TNNI3K: variants seen among roughly 807,000 people sequenced by gnomAD.
TNNI3K encodes the protein serine/threonine-protein kinase TNNI3K.
TNNI3K carries 140 observed loss-of-function variants against 114.5 expected under a neutral mutation model. That is an observed-to-expected ratio of 1.22 (90% CI 1.07 to 1.41). The LOEUF is 1.41. Ranked by LOEUF, TNNI3K falls within the 40% of genes most tolerant of loss-of-function variation. The pLI is 0.00. For synonymous variants in TNNI3K, 347 were observed against 347.5 expected (o/e 1.00, Z 0.02); for missense variants, 1,125 against 1,007.6 (o/e 1.12, Z -1.58).
At chr1:74,315,140 G>T (rs2100364088) in intron 5 of TNNI3K, among the ~76,000 whole-genome samples, 1 of 152,130 alleles carries the variant, frequency 6.6e-6, no homozygotes, top group South Asian at 2.1e-4. Flanking sequence ...ACAGAAATTA[G>T]GTTTTATTTT....
At chr1:74,271,246 A>T (rs1237743021) in intron 4 of TNNI3K, among the ~76,000 whole-genome samples, 1 of 151,870 alleles carries the variant, frequency 6.6e-6, no homozygotes, top group Non-Finnish European at 1.5e-5. Flanking sequence ...TAAATTCCTG[A>T]CCTCACTGGG....
intron 6 of TNNI3K, 129 bp downstream of exon 6, chr1:74,331,677 C>A: frequency 1.3e-6 from 1 of 784,456 alleles, no homozygotes; most frequent in Non-Finnish European, 1.9e-6. Context: ...TCTCATCAAC[C>A]CATCCTTGAG....
At chr1:74,397,710 G>C (rs2100583345) in intron 17 of TNNI3K, among the ~76,000 whole-genome samples, 1 of 152,308 alleles carries the variant, frequency 6.6e-6, no homozygotes, top group Non-Finnish European at 1.5e-5. Flanking sequence ...TACATGATGG[G>C]ATGAGTCTGT....
chr1:74,478,054 A>G (rs1668292183), intron 21 of TNNI3K, among the ~76,000 whole-genome samples: 1 of 152,222 alleles, frequency 6.6e-6, no homozygotes, highest in African/African-American at 2.4e-5. Flanking sequence ...TGGAATTTTT[A>G]TGACTTAGAT....
chr1:74,453,824 C>T lies in TNNI3K; in HGVS notation c.2012-9617C>T, dbSNP rs370543405. On this transcript the variant is annotated intron_variant, in intron 20 of 24. Coordinates refer to ENST00000326637, the MANE Select transcript of TNNI3K (RefSeq NM_015978.3). The stretch of plus-strand genomic sequence containing the variant: ...ATAAGAAATCACGTGCTCTGACTCA[C>T]GCTCCAGCCAAACAGCGCTGAGCAG... Among the ~76,000 whole-genome samples the T allele has an allele frequency of 5.9e-5, 9 of 152,184 alleles. No individual in the cohort carries two copies. In the East Asian group the frequency reaches 1.2e-3, roughly 20 times the overall value.
intron 23 of TNNI3K, among the ~76,000 whole-genome samples, chr1:74,533,864 A>G (rs1646625534): frequency 6.6e-6 from 1 of 152,222 alleles, no homozygotes. Context: ...TTGAACAATG[A>G]GAAGACATGT....
At chr1:74,437,805 T>A (rs997520678) in intron 19 of TNNI3K, among the ~76,000 whole-genome samples, 1 of 151,896 alleles carries the variant, frequency 6.6e-6, no homozygotes, top group Non-Finnish European at 1.5e-5. Context: ...AAACTTTTTT[T>A]AAGCATAGTG....
chr1:74,500,261 G>A (rs1669541641), intron 23 of TNNI3K, among the ~76,000 whole-genome samples: 1 of 151,830 alleles, frequency 6.6e-6, no homozygotes, highest in Admixed American at 6.6e-5. Flanking sequence ...CTTACCTCAT[G>A]TTTAATGTTT....
chr1:74,533,941 C>T (rs1646626571), intron 23 of TNNI3K, among the ~76,000 whole-genome samples: 1 of 152,126 alleles, frequency 6.6e-6, no homozygotes, highest in Admixed American at 6.6e-5. Context: ...AACTTTTGTT[C>T]AAGTTCAGTT....
intron 21 of TNNI3K, chr1:74,480,352 A>C: frequency 1.4e-6 from 1 of 717,808 alleles, no homozygotes. Context: ...TGTGAGCAGA[A>C]GACTTAATGT....
chr1:74,512,168 G>A (rs918715242), intron 23 of TNNI3K, among the ~76,000 whole-genome samples: 1 of 152,192 alleles, frequency 6.6e-6, no homozygotes, highest in African/African-American at 2.4e-5. Flanking sequence ...ACTCGAACCT[G>A]TGAGGGACCA....
chr1:74,484,971 A>G (rs113484383), intron 21 of TNNI3K, among the ~76,000 whole-genome samples: 9 of 152,032 alleles, frequency 5.9e-5, no homozygotes, highest in African/African-American at 2.2e-4. Context: ...GAGAAGGATG[A>G]GAGGTAAGCA....
intron 4 of TNNI3K, among the ~76,000 whole-genome samples, chr1:74,261,290 G>A (rs1439705832): frequency 6.6e-6 from 1 of 151,924 alleles, no homozygotes; most frequent in Non-Finnish European, 1.5e-5. Flanking sequence ...AAAAAAGAGT[G>A]AGAGGCAGCT....
chr1:74,534,485 A>G (rs572775311), intron 23 of TNNI3K, among the ~76,000 whole-genome samples: 1 of 152,238 alleles, frequency 6.6e-6, no homozygotes, highest in South Asian at 2.1e-4. Context: ...GGCAGGCTGT[A>G]GTTTGGAAGC....
rs558634145 is a variant in TNNI3K at position 74,485,555 on chromosome 1, C to G, written c.2122-3634C>G. 5.9e-5 allele frequency among the ~76,000 whole-genome samples: 9 copies of G among 152,280 alleles called. 1 individual carries two copies. In the South Asian group the frequency reaches 1.5e-3, roughly 25 times the overall value. On this transcript the variant is annotated intron_variant, in intron 21 of 24. Coordinates refer to ENST00000326637, the MANE Select transcript of TNNI3K (RefSeq NM_015978.3). ...TGGTGTACATGCCATGTAGAATACC[C>G]TGTCCTTCAGTGTGGGCAGAACCTG...
intron 20 of TNNI3K, among the ~76,000 whole-genome samples, chr1:74,446,449 C>T (rs1324867971): frequency 1.3e-5 from 2 of 149,442 alleles, no homozygotes; most frequent in African/African-American, 2.5e-5. Flanking sequence ...AGCCCTTTGT[C>T]AGATGAGTAG....
chr1:74,297,706 A>T (rs990602948), intron 5 of TNNI3K, among the ~76,000 whole-genome samples: 1 of 152,110 alleles, frequency 6.6e-6, no homozygotes, highest in Non-Finnish European at 1.5e-5. Context: ...GGGTTTTCTC[A>T]TAGCATGTCA....
chr1:74,523,428 G>A (rs990778144), intron 23 of TNNI3K, among the ~76,000 whole-genome samples: 1 of 145,836 alleles, frequency 6.9e-6, no homozygotes, highest in Non-Finnish European at 1.5e-5. Context: ...CTTGGCTGAT[G>A]TATAAGATTT....
chr1:74,303,404 A>C (rs1035658990), intron 5 of TNNI3K, among the ~76,000 whole-genome samples: 1 of 151,994 alleles, frequency 6.6e-6, no homozygotes, highest in African/African-American at 2.4e-5. Flanking sequence ...ACCTCATGTG[A>C]TCTGCCCGCC....
Sources: allele counts gnomAD v4.1 joint callset (sites outside exome capture counted in the v4.1 genomes callset), GRCh38; gene constraint gnomAD v4.1.1; transcripts MANE v1.5; gene names NCBI Gene and HGNC (gene_info 2026-07-23, HGNC 2026-07-21).